CNTN4: variants seen among roughly 807,000 people sequenced by gnomAD.
CNTN4 encodes contactin-4.
Under a neutral mutation model 122.5 loss-of-function variants are expected in CNTN4, and 77 were observed. That is an observed-to-expected ratio of 0.63 (90% CI 0.52 to 0.76). The LOEUF (loss-of-function observed/expected upper bound fraction) is 0.76. Ranked by LOEUF, CNTN4 falls within the 30% of genes least tolerant of loss-of-function variation. The pLI is 0.00. For missense variants in CNTN4, 1,256 were observed against 1,259.1 expected (o/e 1.00, Z 0.04); for synonymous variants, 512 against 447.0 (o/e 1.15, Z -1.83).
chr3:2,472,494 G>A (rs553352387), intron 3 of CNTN4, among the ~76,000 whole-genome samples: 31 of 152,102 alleles, frequency 2.0e-4, no homozygotes, highest in Middle Eastern at 3.4e-3. Context: ...CTGCCTCGGC[G>A]TCCCAAAGTG....
chr3:2,999,935 G>A (rs1695876139), intron 14 of CNTN4, among the ~76,000 whole-genome samples: 1 of 152,140 alleles, frequency 6.6e-6, no homozygotes, highest in African/African-American at 2.4e-5. Flanking sequence ...CTGATAACAT[G>A]CTGAGTACAT....
At chr3:2,563,270 C>T (rs1200775917) in intron 3 of CNTN4, among the ~76,000 whole-genome samples, 3 of 152,082 alleles carry the variant, frequency 2.0e-5, no homozygotes, top group Admixed American at 2.0e-4. Context: ...TCAAACTATA[C>T]ATAAAAAGAA....
At chr3:2,262,023 A>AT (rs915401674) in intron 2 of CNTN4, among the ~76,000 whole-genome samples, 6 of 151,508 alleles carry the variant, frequency 4.0e-5, no homozygotes, top group African/African-American at 1.2e-4. Flanking sequence ...GGTAAAATGG[A>AT]TTTTTTTTTC....
At chr3:2,730,128 T>TG (rs991522365) in intron 4 of CNTN4, among the ~76,000 whole-genome samples, 4 of 152,068 alleles carry the variant, frequency 2.6e-5, no homozygotes, top group Non-Finnish European at 4.4e-5. Flanking sequence ...TGGTTTTTTG[T>TG]GGGGGGTGGC....
At chr3:2,271,247 C>A (rs1345582120) in intron 2 of CNTN4, among the ~76,000 whole-genome samples, 3 of 152,116 alleles carry the variant, frequency 2.0e-5, no homozygotes, top group African/African-American at 7.2e-5. Flanking sequence ...CCATAAAGAT[C>A]ATTTTGTTAT....
chr3:2,802,680 T>G (rs755082391), intron 6 of CNTN4, among the ~76,000 whole-genome samples: 3 of 152,182 alleles, frequency 2.0e-5, no homozygotes, highest in Non-Finnish European at 2.9e-5. Context: ...ACCCTGTATT[T>G]CCCCTACGGT....
At position 2,425,014 on chromosome 3, in the gene CNTN4, G is replaced by A. The variant is rs547829886; in HGVS notation, c.-89+85781G>A. On this transcript the variant is annotated intron_variant, in intron 3 of 24. Transcript: ENST00000418658. ...GATTGCAAAAATTTTCTCCCATTCT[G>A]TAGGTTGCCTGTTCACTCTGATGGT... 4.7e-3 allele frequency among the ~76,000 whole-genome samples: 709 copies of A among 152,258 alleles called. 2 individuals carry two copies. Among genetic ancestry groups the A allele is most frequent in the Non-Finnish European group, 6.7e-3 (459 of 68,010 alleles).
chr3:3,055,044 T>C (rs1201732414), intron 24 of CNTN4, among the ~76,000 whole-genome samples: 1 of 152,178 alleles, frequency 6.6e-6, no homozygotes, highest in African/African-American at 2.4e-5. Context: ...CCATGTGACA[T>C]CCCTCTGCTA....
At chr3:2,266,721 T>G (rs2041065156) in intron 2 of CNTN4, among the ~76,000 whole-genome samples, 2 of 152,208 alleles carry the variant, frequency 1.3e-5, no homozygotes, top group South Asian at 4.1e-4. Flanking sequence ...GCATTGCTAT[T>G]CTCAGCATTT....
At chr3:2,568,237 T>C (rs1559246656) in intron 3 of CNTN4, among the ~76,000 whole-genome samples, 1 of 151,076 alleles carries the variant, frequency 6.6e-6, no homozygotes, top group Non-Finnish European at 1.5e-5. Context: ...TTCAGCACTT[T>C]GTACTGAGGT....
At chr3:2,213,700 C>T (rs2038717822) in intron 2 of CNTN4, among the ~76,000 whole-genome samples, 1 of 152,134 alleles carries the variant, frequency 6.6e-6, no homozygotes, top group Admixed American at 6.6e-5. Context: ...TCAGCTTTCC[C>T]CCTGAAAAGC....
chr3:3,038,242 T>C (rs1027996518), intron 18 of CNTN4, among the ~76,000 whole-genome samples: 3 of 152,104 alleles, frequency 2.0e-5, no homozygotes, highest in African/African-American at 7.2e-5. Flanking sequence ...AAAACCATAA[T>C]TGAATTAATT....
At chr3:2,273,233 T>A (rs1229399036) in intron 2 of CNTN4, among the ~76,000 whole-genome samples, 1 of 152,216 alleles carries the variant, frequency 6.6e-6, no homozygotes, top group Non-Finnish European at 1.5e-5. Flanking sequence ...TGACCATTTT[T>A]AAAATAGATG....
At position 2,385,336 on chromosome 3, in the gene CNTN4, T is replaced by C. The variant is rs753386482; in HGVS notation, c.-89+46103T>C. On this transcript the variant is annotated intron_variant, in intron 3 of 24. Transcript: ENST00000418658. The surrounding 1 kb of genome is among the most constrained non-coding windows in gnomAD (Gnocchi z 4.0). The stretch of plus-strand genomic sequence containing the variant: ...CAATACCTGTTTATAGTTTTGTTTA[T>C]ATTACTCTTGTTGCACTGAATAACC... Among the ~76,000 whole-genome samples the C allele has an allele frequency of 6.6e-5, 10 of 151,802 alleles. No individual in the cohort carries two copies. Among genetic ancestry groups the C allele is most frequent in the Non-Finnish European group, 1.0e-4 (7 of 68,016 alleles).
At chr3:2,291,041 G>C (rs961776198) in intron 2 of CNTN4, among the ~76,000 whole-genome samples, 1 of 151,960 alleles carries the variant, frequency 6.6e-6, no homozygotes, top group South Asian at 2.1e-4. Context: ...GGTCACTTTG[G>C]TCCTGACTTA....
At chr3:2,570,719 G>A (rs1373421678) in intron 3 of CNTN4, among the ~76,000 whole-genome samples, 3 of 152,076 alleles carry the variant, frequency 2.0e-5, no homozygotes, top group Non-Finnish European at 4.4e-5. Context: ...GTAGCTTTTG[G>A]TAAAGGTAAT....
At chr3:3,013,561 T>G (rs1376435969) in intron 14 of CNTN4, among the ~76,000 whole-genome samples, 1 of 152,022 alleles carries the variant, frequency 6.6e-6, no homozygotes, top group Non-Finnish European at 1.5e-5. Flanking sequence ...ACCGCCAGGG[T>G]GCCCAAGTGA....
intron 3 of CNTN4, among the ~76,000 whole-genome samples, chr3:2,413,704 C>A (rs368826082): frequency 1.3e-5 from 2 of 152,134 alleles, no homozygotes; most frequent in South Asian, 2.1e-4. Flanking sequence ...CCACAACACA[C>A]AGCTAATTTT....
At chr3:2,188,854 A>G (rs2037395224) in intron 2 of CNTN4, among the ~76,000 whole-genome samples, 1 of 152,142 alleles carries the variant, frequency 6.6e-6, no homozygotes, top group Non-Finnish European at 1.5e-5. Flanking sequence ...GGGAACAGCT[A>G]CCACAGACTA....
Sources: allele counts gnomAD v4.1 joint callset (sites outside exome capture counted in the v4.1 genomes callset), GRCh38; gene constraint gnomAD v4.1.1; non-coding constraint Gnocchi (gnomAD v3.1); transcripts MANE v1.5; gene names NCBI Gene and HGNC (gene_info 2026-07-23, HGNC 2026-07-21).